IL17RE: variants seen among roughly 807,000 people sequenced by gnomAD.
The protein encoded by IL17RE is interleukin-17 receptor E.
Under a neutral mutation model 70.7 loss-of-function variants are expected in IL17RE, and 47 were observed. The observed-to-expected ratio is 0.67, with a 90% CI of 0.53 to 0.85. The LOEUF (loss-of-function observed/expected upper bound fraction) is 0.85. Among genes scored for constraint, IL17RE ranks in the 40% least tolerant of loss-of-function variants. IL17RE has a pLI of 0.00. For missense variants in IL17RE, 850 were observed against 893.9 expected (o/e 0.95, Z 0.63); for synonymous variants, 372 against 381.2 (o/e 0.98, Z 0.28).
intron 10 of IL17RE, 36 bp downstream of exon 10, chr3:9,911,210 G>C: frequency 1.2e-6 from 2 of 1,614,138 alleles, no homozygotes; most frequent in South Asian, 1.1e-5. Context: ...TGGTGTAGTG[G>C]GTATTGCCTG....
Position 9,915,631 on chromosome 3 carries a change from C to G in IL17RE, c.1828C>G (p.Leu610Val). ...CGACATCCCCCCGCCGCTGCGCGCC[C>G]TGCCGCGCTACCGCCTGCTGCGCGA... Reference protein sequence around the residue: ...KGDIPPPLRALPRYRLLRDLP... With the variant: ...KGDIPPPLRAVPRYRLLRDLP... Residue 610 changes from leucine to valine, a missense_variant, in exon 16 of 16, where the codon CTG (leucine) becomes GTG (valine). By Grantham distance (32) the Leu-to-Val change is conservative. Transcript: ENST00000383814. The surrounding 1 kb of genome is among the most constrained non-coding windows in gnomAD (Gnocchi z 4.9). 7.1e-7 allele frequency: 1 copy of G among 1,414,510 alleles called. No homozygotes were observed. Among genetic ancestry groups the G allele is most frequent in the Non-Finnish European group, 9.2e-7 (1 of 1,089,378 alleles). 87.6% of individuals were successfully genotyped at this position (1,414,510 alleles called of 1,614,324 possible).
intron 3 of IL17RE, among the ~76,000 whole-genome samples, chr3:9,905,013 T>A (rs1286500286): frequency 7.2e-6 from 1 of 139,358 alleles, no homozygotes; most frequent in Non-Finnish European, 1.5e-5. Flanking sequence ...GAGGATCACC[T>A]GAATTCAGGA....
At chr3:9,906,309 C>T in intron 3 of IL17RE, 55 bp from the exon 4 acceptor site, 1 of 963,260 alleles carries the variant, frequency 1.0e-6, no homozygotes, top group Non-Finnish European at 1.7e-6. Context: ...GCCACATCTC[C>T]AGGCAGGGGA....
chr3:9,902,482 A>AGTAGTG (rs2082660844), upstream of IL17RE: 3 of 785,038 alleles, frequency 3.8e-6, no homozygotes, highest in Non-Finnish European at 4.3e-6. Flanking sequence ...CCCAGTGCTG[A>AGTAGTG]GTAGTGCTTA....
chr3:9,911,712 C>T, intron 12 of IL17RE, 115 bp downstream of exon 12: 4 of 1,024,756 alleles, frequency 3.9e-6, no homozygotes, highest in Non-Finnish European at 4.3e-6. Flanking sequence ...TGACTTTTAC[C>T]ATCTGGTTTA....
chr3:9,903,250 G>A (rs2082677785), intron 1 of IL17RE, 147 bp from the exon 2 acceptor site: 1 of 1,033,890 alleles, frequency 9.7e-7, no homozygotes, highest in Non-Finnish European at 1.5e-6. Context: ...GTGGAGCTGG[G>A]AAGATAAGAG....
rs376252565 is a variant in IL17RE, at chr3:9,905,797, G to A, written c.269-567G>A. 1.1e-4 allele frequency among the ~76,000 whole-genome samples: 17 copies of A among 152,272 alleles called. 1 individual carries two copies. The highest frequency in any genetic ancestry group is 9.7e-4 in the East Asian group (5 of 5,174). ...ATCGCGCCGCTGCACTCCAGCCTGC[G>A]TGACAGAGCAAGGCTCCGTCTCCAA... On this transcript the variant is annotated intron_variant, in intron 3 of 15. Transcript: ENST00000383814.
chr3:9,914,262 A>T, intron 13 of IL17RE: 1 of 724,742 alleles, frequency 1.4e-6, no homozygotes, highest in South Asian at 2.0e-5. Flanking sequence ...AATGGCCTGG[A>T]GCTCAGTGCC....
intron 12 of IL17RE, among the ~76,000 whole-genome samples, chr3:9,913,657 G>T (rs950937568): frequency 2.0e-5 from 3 of 152,212 alleles, no homozygotes; most frequent in African/African-American, 7.2e-5. Flanking sequence ...CCTGGTTTGT[G>T]AGCTGCTAGA....
Position 9,905,128 on chromosome 3 carries a change from A to G in IL17RE, c.268+977A>G, listed in dbSNP as rs78393946. 7.3e-3 allele frequency among the ~76,000 whole-genome samples: 1,056 copies of G among 145,350 alleles called. 44 individuals carry two copies. In the East Asian group the frequency reaches 0.12, roughly 16 times the overall value. On this transcript the variant is annotated intron_variant, in intron 3 of 15. Coordinates refer to ENST00000383814, the MANE Select transcript of IL17RE (RefSeq NM_153480.2). ...AAAAAAAAAAAAAAAAAGAATAGGCAGTGTTTAATTTTTCTAATTGTTTGT... is the reference window on the plus strand; with the variant it reads ...AAAAAAAAAAAAAAAAAGAATAGGCGGTGTTTAATTTTTCTAATTGTTTGT...
chr3:9,902,510 C>A, upstream of IL17RE: 1 of 974,946 alleles, frequency 1.0e-6, no homozygotes, highest in African/African-American at 1.6e-5. Context: ...GGCTAATTCT[C>A]TAAGTGAGGG....
chr3:9,908,656 C>A (rs180797624), intron 7 of IL17RE, among the ~76,000 whole-genome samples: 15 of 152,354 alleles, frequency 9.8e-5, no homozygotes, highest in Admixed American at 9.1e-4. Context: ...ACTGCAGGAT[C>A]CATATGCCCC....
In IL17RE at chr3:9,915,328, G is replaced by T; in HGVS notation, c.1525G>T (p.Ala509Ser). ...GCAGCGGCGCCTGGTGGGAGCGCTG[G>T]CTGAACTGCTACGGGCAGCGCTGGG... ...EAQRRLVGALAELLRAALGGG... is the reference protein window; with the variant it reads ...EAQRRLVGALSELLRAALGGG... The change falls in exon 16 of 16, where the codon GCT (alanine) becomes TCT (serine). Residue 509 changes from alanine to serine, a missense_variant. By Grantham distance (99) the Ala-to-Ser change is moderately conservative (BLOSUM62 1). Transcript: ENST00000383814. The surrounding 1 kb of genome is among the most constrained non-coding windows in gnomAD (Gnocchi z 4.9). 1 of 1,398,002 alleles carries T rather than the reference G, an allele frequency of 7.2e-7. No homozygotes were observed. The highest frequency in any genetic ancestry group is 9.2e-7 in the Non-Finnish European group (1 of 1,085,292). The allele number at this position is 1,398,002 out of a possible 1,614,324, so 86.6% of individuals were successfully genotyped here. A position where few individuals can be genotyped will look rare whatever the true frequency, so the allele number is the denominator to read the frequency against.
intron 7 of IL17RE, among the ~76,000 whole-genome samples, chr3:9,908,754 C>G (rs915264384): frequency 3.3e-5 from 5 of 152,188 alleles, no homozygotes; most frequent in African/African-American, 1.2e-4. Context: ...TTTCTTTGGA[C>G]TAGACAGAAA....
At chr3:9,914,447 A>C (rs1261386847) in intron 13 of IL17RE, 101 bp from the exon 14 acceptor site, 1 of 1,557,988 alleles carries the variant, frequency 6.4e-7, no homozygotes, top group Non-Finnish European at 8.7e-7. Flanking sequence ...AGAATTCCCT[A>C]GCCAGTGGGG....
rs2082756088 is a variant in IL17RE, at chr3:9,906,356, C to T, written c.269-8C>T. ...GGGCTAGATAGTAAGTACGTCTCCC[C>T]TGCACAGGTCTTCAACGGGGCCTCT... is the stretch of plus-strand genomic sequence containing the variant. On this transcript the variant is annotated splice_region_variant and splice_polypyrimidine_tract_variant and intron_variant, in intron 3 of 15. Transcript: ENST00000383814. 1.2e-6 allele frequency: 2 copies of T among 1,603,028 alleles called. No homozygotes were observed. The highest frequency in any genetic ancestry group is 1.7e-6 in the Non-Finnish European group (2 of 1,170,164).
chr3:9,916,023 T>G lies in IL17RE; in HGVS notation c.*216T>G. On this transcript the variant is annotated 3_prime_UTR_variant, in exon 16 of 16. Coordinates refer to ENST00000383814, the MANE Select transcript of IL17RE (RefSeq NM_153480.2). ...ACTTTCCCTTGACTGAGAGCTCCTC[T>G]AACCCCTGTTCTGATGGGGGAGGGC... is the stretch of plus-strand genomic sequence containing the variant. The G allele has an allele frequency of 4.0e-6, 3 of 745,292 alleles. No homozygotes were observed. Among genetic ancestry groups the G allele is most frequent in the East Asian group, 3.5e-5 (1 of 28,520 alleles). 46.2% of individuals were successfully genotyped at this position (745,292 alleles called of 1,614,324 possible). A position where few individuals can be genotyped will look rare whatever the true frequency, so the allele number is the denominator to read the frequency against.
At chr3:9,906,571 T>A (rs1053640353) in intron 4 of IL17RE, 110 bp downstream of exon 4, 51 of 1,333,272 alleles carry the variant, frequency 3.8e-5, no homozygotes, top group Non-Finnish European at 5.4e-5. Flanking sequence ...AGATGAAGTA[T>A]TCTGTCTATT....
Position 9,915,702 on chromosome 3 carries a change from G to T in IL17RE, c.1899G>T (p.Glu633Asp). 2 of 1,401,912 alleles carry T rather than the reference G, an allele frequency of 1.4e-6. No individual in the cohort carries two copies. Among genetic ancestry groups the T allele is most frequent in the Non-Finnish European group, 1.8e-6 (2 of 1,087,824 alleles). The allele number at this position is 1,401,912 out of a possible 1,614,324, so 86.8% of individuals were successfully genotyped here. A position where few individuals can be genotyped will look rare whatever the true frequency, so the allele number is the denominator to read the frequency against. ...CGCTGGACGCGCGGCCTTTCGCAGA[G>T]GCCACCAGCTGGGGCCGCCTTGGGG... is the stretch of plus-strand genomic sequence containing the variant. ...LRALDARPFA[E>D]ATSWGRLGAR... Residue 633 changes from glutamate (E) to aspartate (D), a missense_variant, in exon 16 of 16, where the codon GAG becomes GAT. Physicochemically the swap from Glu to Asp is conservative, Grantham distance 45. Transcript: ENST00000383814. This position sits in a 1 kb window ranked among gnomAD's most constrained non-coding sequence, Gnocchi z 4.9.
Sources: allele counts gnomAD v4.1 joint callset (sites outside exome capture counted in the v4.1 genomes callset), GRCh38; gene constraint gnomAD v4.1.1; non-coding constraint Gnocchi (gnomAD v3.1); transcripts MANE v1.5; gene names NCBI Gene and HGNC (gene_info 2026-07-23, HGNC 2026-07-21).